Variants in QNG1 observed in about 807,000 individuals in gnomAD.
QNG1 encodes the protein Q-nucleotide N-glycosylase 1.
the QNG1 span, among the ~76,000 whole-genome samples, chr9:83,948,111 G>A: frequency 2.7e-5 from 4 of 149,716 alleles, no homozygotes; most frequent in South Asian, 2.1e-4. Flanking sequence ...TGTGGGGAGC[G>A]CCTCTGCCCC....
the QNG1 span, among the ~76,000 whole-genome samples, chr9:83,947,870 C>T: frequency 1.3e-5 from 2 of 152,228 alleles, no homozygotes; most frequent in Admixed American, 6.5e-5. Flanking sequence ...CTACAACCTC[C>T]ACCTCCCAGC....
the QNG1 span, among the ~76,000 whole-genome samples, chr9:83,946,075 G>A: frequency 2.0e-5 from 3 of 151,974 alleles, no homozygotes; most frequent in Non-Finnish European, 2.9e-5. Context: ...GGGAGACTGA[G>A]ACAGGAGGAT....
chr9:83,945,598 C>CTTATTA, the QNG1 span, among the ~76,000 whole-genome samples: 1 of 151,530 alleles, frequency 6.6e-6, no homozygotes, highest in Non-Finnish European at 1.5e-5. Context: ...AATCCTAGGG[C>CTTATTA]TTATTATTAT....
At chr9:83,954,555 C>A in the QNG1 span, among the ~76,000 whole-genome samples, 4 of 151,096 alleles carry the variant, frequency 2.6e-5, no homozygotes, top group Non-Finnish European at 4.4e-5. Context: ...GCACTCCAGC[C>A]TGGGAGTCAG....
At chr9:83,938,820 T>G in the QNG1 span, 2 of 152,108 alleles carry the variant, frequency 1.3e-5, no homozygotes. Flanking sequence ...TGTGGCTCAC[T>G]GCAGCCTCAA....
the QNG1 span, among the ~76,000 whole-genome samples, chr9:83,948,516 G>T: frequency 2.6e-5 from 4 of 150,956 alleles, no homozygotes; most frequent in East Asian, 3.9e-4. Flanking sequence ...TCCGGGAGGG[G>T]GGGGGCGCCT....
chr9:83,941,906 CAAA>C, the QNG1 span, among the ~76,000 whole-genome samples: 4,222 of 132,142 alleles, frequency 0.032, 94 homozygotes, highest in Non-Finnish European at 0.047. Context: ...AACTCCGTCT[CAAA>C]AAAAAAAAAG....
the QNG1 span, chr9:83,956,323 C>A: frequency 3.1e-6 from 5 of 1,613,890 alleles, no homozygotes; most frequent in African/African-American, 5.3e-5. Context: ...GCCTCGTCGG[C>A]CGCCCTGGGG....
the QNG1 span, chr9:83,938,674 G>GAAAAA: frequency 6.9e-6 from 1 of 145,678 alleles, no homozygotes; most frequent in African/African-American, 2.5e-5. Context: ...CCACAGGGGG[G>GAAAAA]AAAAAAAAAA....
the QNG1 span, among the ~76,000 whole-genome samples, chr9:83,948,444 G>A: frequency 2.9e-4 from 40 of 139,640 alleles, no homozygotes; most frequent in African/African-American, 8.8e-4. Flanking sequence ...CAGCCCCCCC[G>A]CCCGGCCAGC....
chr9:83,945,072 T>C, the QNG1 span: 1 of 1,108,048 alleles, frequency 9.0e-7, no homozygotes, highest in Non-Finnish European at 1.3e-6. Flanking sequence ...AGTTGAAACA[T>C]TTTTTAAAAG....
the QNG1 span, chr9:83,945,060 G>A: frequency 7.5e-6 from 9 of 1,207,876 alleles, no homozygotes; most frequent in African/African-American, 3.2e-5. Context: ...TTTTAAAGGT[G>A]CAGTTGAAAC....
the QNG1 span, chr9:83,938,787 A>G: frequency 2.0e-5 from 3 of 151,760 alleles, no homozygotes; most frequent in East Asian, 3.9e-4. Context: ...TCTGTTGCCC[A>G]GGATAGAATG....
chr9:83,948,385 G>T, the QNG1 span, among the ~76,000 whole-genome samples: 8 of 150,476 alleles, frequency 5.3e-5, no homozygotes, highest in African/African-American at 2.0e-4. Flanking sequence ...GGGAGGTGGG[G>T]GTCAGCCCCC....
chr9:83,950,992 G>A, the QNG1 span, among the ~76,000 whole-genome samples: 1 of 152,228 alleles, frequency 6.6e-6, no homozygotes, highest in African/African-American at 2.4e-5. Flanking sequence ...CATAGGCCAA[G>A]TGCGGTAGCT....
the QNG1 span, among the ~76,000 whole-genome samples, chr9:83,948,567 C>T: frequency 4.0e-5 from 6 of 151,798 alleles, no homozygotes; most frequent in Non-Finnish European, 8.8e-5. Flanking sequence ...AGCCCTTCTG[C>T]CCGGCCGCCA....
At chr9:83,939,076 T>C in the QNG1 span, 1 of 179,756 alleles carries the variant, frequency 5.6e-6, no homozygotes, top group Admixed American at 5.6e-5. Flanking sequence ...GTTGTTGTTG[T>C]TGTTGTTGTT....
the QNG1 span, chr9:83,956,676 G>A: frequency 7.8e-6 from 4 of 515,670 alleles, no homozygotes; most frequent in Non-Finnish European, 1.3e-5. Flanking sequence ...CTCCCGCGGC[G>A]TTGCCCTGAT....
the QNG1 span, among the ~76,000 whole-genome samples, chr9:83,947,243 C>T: frequency 6.6e-6 from 1 of 152,084 alleles, no homozygotes; most frequent in South Asian, 2.1e-4. Context: ...TCCTGACCAC[C>T]TTGGAGGAGA....
Sources: gnomAD v4.1 joint callset for allele counts (sites outside exome capture counted in the v4.1 genomes callset) on GRCh38, gnomAD v4.1.1 for gene constraint, MANE v1.5 for transcripts, NCBI Gene and HGNC (gene_info 2026-07-23, HGNC 2026-07-21) for gene names.